The following RBKS variants were observed in gnomAD, a reference collection of about 807,000 sequenced individuals.
RBKS encodes ribokinase.
A neutral mutation model predicts 33.9 loss-of-function variants in RBKS; 33 were observed. That is an observed-to-expected ratio of 0.97 (90% CI 0.74 to 1.30). The LOEUF is 1.30. Among genes scored for constraint, RBKS ranks in the 50% most tolerant of loss-of-function variants. RBKS has a pLI of 0.00. For synonymous variants in RBKS, 125 were observed against 143.0 expected, an observed-to-expected ratio of 0.87 and a Z score of 0.90; for missense variants, 361 against 392.6, an observed-to-expected ratio of 0.92 and a Z score of 0.68.
intron 1 of RBKS, among the ~76,000 whole-genome samples, chr2:27,865,147 C>G (rs1368783242): frequency 2.0e-5 from 3 of 152,108 alleles, no homozygotes; most frequent in African/African-American, 7.2e-5. Context: ...GGTGAAACCT[C>G]ATCTCTACTA....
chr2:27,794,873 C>T (rs1390469077), intron 7 of RBKS, among the ~76,000 whole-genome samples: 1 of 152,154 alleles, frequency 6.6e-6, no homozygotes, highest in Non-Finnish European at 1.5e-5. Flanking sequence ...ATCCGCCTGC[C>T]TCGGCCTCCC....
At position 27,890,006 on chromosome 2, in the gene RBKS, C is replaced by A. The variant is rs1664685797; in HGVS notation, c.89+251G>T. 1 of 388,978 alleles carries A rather than the reference C, an allele frequency of 2.6e-6. No individual in the cohort carries two copies. Among genetic ancestry groups the A allele is most frequent in the Non-Finnish European group, 4.6e-6 (1 of 215,602 alleles). 24.1% of individuals were successfully genotyped at this position (388,978 alleles called of 1,614,324 possible). A position where few individuals can be genotyped will look rare whatever the true frequency, so the allele number is the denominator to read the frequency against. ...CTTTGGAGGGCAGGTCTTTGGGGAGCGCTTTGAGTAATATTAGAGCTTTCA... is the reference window on the plus strand; with the variant it reads ...CTTTGGAGGGCAGGTCTTTGGGGAGAGCTTTGAGTAATATTAGAGCTTTCA... On this transcript the variant is annotated intron_variant, in intron 1 of 7. Transcript: ENST00000302188. This position sits in a 1 kb window ranked among gnomAD's most constrained non-coding sequence, Gnocchi z 4.8.
intron 7 of RBKS, among the ~76,000 whole-genome samples, chr2:27,815,256 G>A (rs1041379884): frequency 3.3e-5 from 5 of 152,024 alleles, no homozygotes; most frequent in Admixed American, 2.0e-4. Context: ...TGCCCAGGCT[G>A]GAATATAGTG....
intron 5 of RBKS, among the ~76,000 whole-genome samples, chr2:27,836,865 C>A (rs1437258290): frequency 6.6e-6 from 1 of 152,154 alleles, no homozygotes; most frequent in Non-Finnish European, 1.5e-5. Flanking sequence ...AAAGAAGATA[C>A]ACGAGTGGGC....
intron 5 of RBKS, among the ~76,000 whole-genome samples, chr2:27,840,801 C>A (rs920517288): frequency 6.6e-6 from 1 of 151,964 alleles, no homozygotes. Flanking sequence ...ACTTAAAGTG[C>A]GACACTGTTT....
intron 5 of RBKS, among the ~76,000 whole-genome samples, chr2:27,841,729 AACACACACACACAC>A (rs35205983): frequency 7.0e-6 from 1 of 142,270 alleles, no homozygotes; most frequent in East Asian, 2.1e-4. Flanking sequence ...CACTTATATA[AACACACACACACAC>A]ACACACACAC....
intron 7 of RBKS, among the ~76,000 whole-genome samples, chr2:27,789,952 T>TATATATAC: frequency 8.7e-6 from 1 of 114,756 alleles, no homozygotes; most frequent in Admixed American, 8.7e-5. Flanking sequence ...TATATGTGTA[T>TATATATAC]ATATATATAT....
chr2:27,882,672 C>T (rs1664442224), intron 1 of RBKS, among the ~76,000 whole-genome samples: 1 of 152,192 alleles, frequency 6.6e-6, no homozygotes, highest in African/African-American at 2.4e-5. Flanking sequence ...GACATGGAAT[C>T]AACCTAAATG....
intron 2 of RBKS, 142 bp from the exon 3 acceptor site, chr2:27,848,239 G>T: frequency 1.8e-6 from 1 of 546,976 alleles, no homozygotes. Flanking sequence ...CTTAATATAA[G>T]ATGCTAGACT....
chr2:27,842,947 G>C, intron 5 of RBKS, 120 bp downstream of exon 5: 1 of 719,928 alleles, frequency 1.4e-6, no homozygotes, highest in Non-Finnish European at 2.1e-6. Flanking sequence ...GAATCTCACA[G>C]ATGGAAGAAA....
intron 5 of RBKS, among the ~76,000 whole-genome samples, chr2:27,840,888 A>G (rs2148210024): frequency 6.6e-6 from 1 of 152,312 alleles, no homozygotes; most frequent in Non-Finnish European, 1.5e-5. Flanking sequence ...TATCTTTGTC[A>G]TAAGGTTTTT....
chr2:27,854,365 A>G (rs938069808), intron 2 of RBKS, among the ~76,000 whole-genome samples: 11 of 152,182 alleles, frequency 7.2e-5, no homozygotes, highest in Non-Finnish European at 1.6e-4. Context: ...CACCACCTTA[A>G]TGTACCGAGT....
intron 7 of RBKS, among the ~76,000 whole-genome samples, chr2:27,805,164 A>G (rs112334224): frequency 6.6e-6 from 1 of 152,210 alleles, no homozygotes; most frequent in Non-Finnish European, 1.5e-5. Context: ...TGGGCCATAA[A>G]ATACACTAAC....
intron 5 of RBKS, among the ~76,000 whole-genome samples, chr2:27,840,579 T>C (rs1250792635): frequency 6.6e-6 from 1 of 152,068 alleles, no homozygotes; most frequent in East Asian, 1.9e-4. Context: ...CTGAAAACAC[T>C]GTAGAGCCTC....
chr2:27,802,077 A>G lies in RBKS; in HGVS notation c.796-20289T>C, dbSNP rs1265643438. ...GGTCTTGAACTCCTGAACTCAGGCA[A>G]TCCACCTGCCTTTGCCTCCCAAAGT... On this transcript the variant is annotated intron_variant, in intron 7 of 7. Coordinates refer to ENST00000302188, the MANE Select transcript of RBKS (RefSeq NM_022128.3). 2.2e-5 allele frequency among the ~76,000 whole-genome samples: 3 copies of G among 134,088 alleles called. No individual in the cohort carries two copies. The South Asian group carries it at 7.5e-4, about 34-fold the overall frequency. The allele number at this position is 134,088 out of a possible 152,430, so 88.0% of individuals were successfully genotyped here.
intron 4 of RBKS, among the ~76,000 whole-genome samples, chr2:27,845,692 T>C (rs921010623): frequency 2.0e-5 from 3 of 152,238 alleles, no homozygotes; most frequent in Admixed American, 2.0e-4. Context: ...ATCGTTATTA[T>C]TGCTACTTGG....
intron 7 of RBKS, among the ~76,000 whole-genome samples, chr2:27,816,271 T>C (rs983898162): frequency 8.5e-5 from 13 of 152,208 alleles, no homozygotes; most frequent in African/African-American, 3.1e-4. Flanking sequence ...AGGTGATCTG[T>C]TGATGTGGAA....
chr2:27,857,286 C>T (rs1461387413), intron 2 of RBKS, among the ~76,000 whole-genome samples: 1 of 152,112 alleles, frequency 6.6e-6, no homozygotes, highest in Non-Finnish European at 1.5e-5. Flanking sequence ...CTGGCTTTCC[C>T]TAAAAATCAA....
At chr2:27,872,841 A>G (rs1664242336) in intron 1 of RBKS, among the ~76,000 whole-genome samples, 1 of 152,204 alleles carries the variant, frequency 6.6e-6, no homozygotes, top group African/African-American at 2.4e-5. Context: ...AACACCCATC[A>G]AATAAGAAAC....
Sources: allele counts gnomAD v4.1 joint callset (sites outside exome capture counted in the v4.1 genomes callset), GRCh38; gene constraint gnomAD v4.1.1; non-coding constraint Gnocchi (gnomAD v3.1); transcripts MANE v1.5; gene names NCBI Gene and HGNC (gene_info 2026-07-23, HGNC 2026-07-21).